The following LINGO2 variants were observed in gnomAD, a reference collection of about 807,000 sequenced individuals.
LINGO2 encodes leucine-rich repeat and immunoglobulin-like domain-containing nogo receptor-interacting protein 2.
A neutral mutation model predicts 30.6 loss-of-function variants in LINGO2; 14 were observed. The observed-to-expected ratio is 0.46, with a 90% CI of 0.30 to 0.72. LINGO2 has a LOEUF of 0.72. Among genes scored for constraint, LINGO2 ranks in the 30% least tolerant of loss-of-function variants. The probability of loss-of-function intolerance (pLI) is 0.07; values close to 1 mark genes in which losing one functional copy is unlikely to be tolerated. For missense variants in LINGO2, 729 were observed against 751.7 expected (o/e 0.97, Z 0.35); for synonymous variants, 317 against 288.5 (o/e 1.10, Z -1.00).
chr9:28,440,387 G>A (rs373757728), intron 2 of LINGO2, among the ~76,000 whole-genome samples: 5 of 152,032 alleles, frequency 3.3e-5, no homozygotes, highest in African/African-American at 4.8e-5. Flanking sequence ...TTTATAAAAC[G>A]TTCACTTCCG....
At chr9:28,163,573 A>G (rs4568692) in intron 4 of LINGO2, among the ~76,000 whole-genome samples, 151,924 of 152,242 alleles carry the variant, frequency 1, 75,807 homozygotes, top group Middle Eastern at 1. Flanking sequence ...AGTAATGAGT[A>G]GATAGATACT....
intron 1 of LINGO2, among the ~76,000 whole-genome samples, chr9:28,556,903 T>C (rs1328882421): frequency 1.3e-5 from 2 of 152,138 alleles, no homozygotes; most frequent in Non-Finnish European, 2.9e-5. Context: ...GGGAAAGGAT[T>C]GCCTATTTAA....
upstream of LINGO2, among the ~76,000 whole-genome samples, chr9:28,675,204 T>C (rs753540091): frequency 6.6e-6 from 1 of 152,208 alleles, no homozygotes; most frequent in Non-Finnish European, 1.5e-5. Context: ...AAGTGATGCA[T>C]TTATTTTCTC....
chr9:27,967,169 T>G (rs1820141238), intron 5 of LINGO2, among the ~76,000 whole-genome samples: 1 of 152,154 alleles, frequency 6.6e-6, no homozygotes, highest in Non-Finnish European at 1.5e-5. Flanking sequence ...ACAAATAAAT[T>G]TCTACCAGCT....
At chr9:28,281,826 A>T (rs1223142470) in intron 4 of LINGO2, among the ~76,000 whole-genome samples, 1 of 152,134 alleles carries the variant, frequency 6.6e-6, no homozygotes, top group Non-Finnish European at 1.5e-5. Context: ...ACTTGTTTCT[A>T]GACTAAAGCT....
At chr9:28,250,196 A>G (rs946340698) in intron 4 of LINGO2, among the ~76,000 whole-genome samples, 1 of 152,218 alleles carries the variant, frequency 6.6e-6, no homozygotes, top group African/African-American at 2.4e-5. Flanking sequence ...CTCCTGCAAC[A>G]TAAGTGACTT....
chr9:28,314,105 T>A (rs1824740960), intron 3 of LINGO2, among the ~76,000 whole-genome samples: 1 of 152,138 alleles, frequency 6.6e-6, no homozygotes, highest in African/African-American at 2.4e-5. Flanking sequence ...CGGCTAATTT[T>A]TTGTATTTTT....
At chr9:27,963,491 A>G (rs1051824081) in intron 5 of LINGO2, among the ~76,000 whole-genome samples, 2 of 152,090 alleles carry the variant, frequency 1.3e-5, no homozygotes, top group Non-Finnish European at 2.9e-5. Flanking sequence ...ATGTTGTTTA[A>G]AAAGAAAGTT....
chr9:28,978,929 G>A, the LINGO2 span, among the ~76,000 whole-genome samples: 10 of 152,042 alleles, frequency 6.6e-5, no homozygotes, highest in Admixed American at 2.0e-4. Context: ...TACATTGATT[G>A]TAATTATTTT....
chr9:28,885,354 T>TACACACACACAC, the LINGO2 span, among the ~76,000 whole-genome samples: 11,150 of 46,608 alleles, frequency 0.24, 600 homozygotes, highest in Non-Finnish European at 0.32. Context: ...GGGAGATATA[T>TACACACACACAC]ATATATACAC....
At chr9:28,775,057 C>G in the LINGO2 span, among the ~76,000 whole-genome samples, 1 of 152,054 alleles carries the variant, frequency 6.6e-6, no homozygotes, top group East Asian at 1.9e-4. Context: ...GGGGAGTGAC[C>G]AATAATGTGT....
At chr9:28,552,869 T>C (rs1822380486) in intron 1 of LINGO2, among the ~76,000 whole-genome samples, 1 of 151,596 alleles carries the variant, frequency 6.6e-6, no homozygotes, top group Admixed American at 6.6e-5. Flanking sequence ...ATTTACACTA[T>C]CTTAGTTTCC....
intron 1 of LINGO2, among the ~76,000 whole-genome samples, chr9:28,580,556 G>A (rs991405750): frequency 2.6e-5 from 4 of 151,968 alleles, no homozygotes; most frequent in African/African-American, 9.6e-5. Flanking sequence ...GCTGTTTTTG[G>A]TATAAAAATC....
intron 1 of LINGO2, among the ~76,000 whole-genome samples, chr9:28,636,281 C>T (rs534599003): frequency 6.6e-6 from 1 of 152,298 alleles, no homozygotes; most frequent in African/African-American, 2.4e-5. Context: ...CCACAATAAA[C>T]ATACGTGTGC....
Position 28,148,585 on chromosome 9 carries a change from C to A in LINGO2, c.-86-136180G>T. On this transcript the variant is annotated intron_variant, in intron 4 of 5. Coordinates refer to ENST00000379992, the Ensembl canonical transcript of LINGO2. The surrounding 1 kb of genome is among the most constrained non-coding windows in gnomAD (Gnocchi z 5.1). ...AGACTCAGGGAAACTTCACTTCCTCCTGGTACAATCCCAGGCCCTTGGAGG... is the reference window on the plus strand; with the variant it reads ...AGACTCAGGGAAACTTCACTTCCTCATGGTACAATCCCAGGCCCTTGGAGG... 1 of 1,507,514 alleles carries A rather than the reference C, an allele frequency of 6.6e-7. No homozygotes were observed. Among genetic ancestry groups the A allele is most frequent in the Non-Finnish European group, 8.9e-7 (1 of 1,122,208 alleles). The allele number at this position is 1,507,514 out of a possible 1,614,324, so 93.4% of individuals were successfully genotyped here. A position where few individuals can be genotyped will look rare whatever the true frequency, so the allele number is the denominator to read the frequency against.
At chr9:28,700,721 T>G in the LINGO2 span, among the ~76,000 whole-genome samples, 1 of 152,102 alleles carries the variant, frequency 6.6e-6, no homozygotes, top group Non-Finnish European at 1.5e-5. Context: ...TATAAGAAAC[T>G]TCCAAACTGT....
chr9:27,961,093 T>C (rs1024005826), intron 5 of LINGO2, among the ~76,000 whole-genome samples: 3 of 152,170 alleles, frequency 2.0e-5, no homozygotes, highest in Non-Finnish European at 4.4e-5. Flanking sequence ...CAGTACAGTA[T>C]TCAATAAGTT....
At chr9:28,317,181 G>A (rs548319424) in intron 3 of LINGO2, among the ~76,000 whole-genome samples, 49 of 152,234 alleles carry the variant, frequency 3.2e-4, no homozygotes, top group African/African-American at 1.1e-3. Flanking sequence ...CTTGAAGCAC[G>A]AATTATAAAG....
chr9:27,993,319 G>T (rs1260832496), intron 5 of LINGO2, among the ~76,000 whole-genome samples: 1 of 151,894 alleles, frequency 6.6e-6, no homozygotes, highest in Non-Finnish European at 1.5e-5. Context: ...CAGTATTATT[G>T]TTGGTTTCTC....
Sources: gnomAD v4.1 joint callset for allele counts (sites outside exome capture counted in the v4.1 genomes callset) on GRCh38, gnomAD v4.1.1 for gene constraint, Gnocchi (gnomAD v3.1) non-coding constraint, MANE v1.5 for transcripts, NCBI Gene and HGNC (gene_info 2026-07-23, HGNC 2026-07-21) for gene names.